The following GALNTL5 variants were observed in gnomAD, a reference collection of about 807,000 sequenced individuals.
The protein encoded by GALNTL5 is polypeptide N-acetylgalactosaminyltransferase like 5, also known as inactive polypeptide N-acetylgalactosaminyltransferase-like protein 5.
A neutral mutation model predicts 51.0 loss-of-function variants in GALNTL5; 44 were observed. The ratio of observed to expected loss-of-function variants is 0.86; its 90% CI spans 0.68 to 1.11. The LOEUF (loss-of-function observed/expected upper bound fraction) is 1.11, where lower values mean the gene tolerates loss of function less well. Among genes scored for constraint, GALNTL5 ranks in the 50% least tolerant of loss-of-function variants. The pLI is 0.00. For synonymous variants in GALNTL5, 192 were observed against 182.8 expected, an observed-to-expected ratio of 1.05 and a Z score of -0.41; for missense variants, 528 against 531.8, an observed-to-expected ratio of 0.99 and a Z score of 0.07.
chr7:151,981,568 TCC>T, intron 3 of GALNTL5, among the ~76,000 whole-genome samples: 1 of 27,822 alleles, frequency 3.6e-5, no homozygotes, highest in Non-Finnish European at 7.2e-5. Context: ...CTTCCTTCCT[TCC>T]TTCCTTCCTT....
intron 4 of GALNTL5, among the ~76,000 whole-genome samples, chr7:151,986,191 G>A (rs1240799237): frequency 6.6e-6 from 1 of 152,130 alleles, no homozygotes; most frequent in Non-Finnish European, 1.5e-5. Context: ...GACTCTCGTG[G>A]TTCGATAACT....
At chr7:152,007,171 A>C (rs1384480829) in intron 6 of GALNTL5, among the ~76,000 whole-genome samples, 1 of 152,208 alleles carries the variant, frequency 6.6e-6, no homozygotes, top group Non-Finnish European at 1.5e-5. Context: ...TAAATATTAC[A>C]ATTCACCTAA....
intron 5 of GALNTL5, among the ~76,000 whole-genome samples, chr7:151,993,156 C>T (rs1024785827): frequency 6.6e-6 from 1 of 151,842 alleles, no homozygotes; most frequent in African/African-American, 2.4e-5. Context: ...ATTGCTTGAA[C>T]CCAGGAGGTG....
intron 7 of GALNTL5, among the ~76,000 whole-genome samples, chr7:152,013,214 T>C (rs376385046): frequency 1.3e-5 from 2 of 151,748 alleles, no homozygotes; most frequent in African/African-American, 2.4e-5. Context: ...GGGAGGAGGG[T>C]GAGGATAAAA....
chr7:152,004,328 A>G (rs1045112016), intron 6 of GALNTL5, among the ~76,000 whole-genome samples: 11 of 150,254 alleles, frequency 7.3e-5, no homozygotes, highest in African/African-American at 2.4e-4. Context: ...TATATGTAAT[A>G]TATATTATAC....
intron 1 of GALNTL5, among the ~76,000 whole-genome samples, chr7:151,957,045 A>C (rs139084405): frequency 2.0e-5 from 3 of 151,818 alleles, no homozygotes; most frequent in Admixed American, 2.0e-4. Context: ...GGCAGCTGGC[A>C]TCTGTAATTC....
Position 152,019,924 on chromosome 7 carries a change from A to T in GALNTL5, c.*123A>T. Reference sequence around the variant, plus strand: ...CGTGAAATGCAATTAAAAAAATATGACCAGACGTGAGTGCCTTTATTTTCC... The same window carrying T: ...CGTGAAATGCAATTAAAAAAATATGTCCAGACGTGAGTGCCTTTATTTTCC... On this transcript the variant is annotated 3_prime_UTR_variant, in exon 9 of 9. Transcript: ENST00000392800. The T allele has an allele frequency of 1.3e-6, 1 of 780,164 alleles. No individual in the cohort carries two copies. The highest frequency in any genetic ancestry group is 2.0e-6 in the Non-Finnish European group (1 of 498,566). 48.3% of individuals were successfully genotyped at this position (780,164 alleles called of 1,614,324 possible). A position where few individuals can be genotyped will look rare whatever the true frequency, so the allele number is the denominator to read the frequency against.
Position 152,019,634 on chromosome 7 carries a change from A to G in GALNTL5, c.1177-12A>G. The G allele has an allele frequency of 6.2e-7, 1 of 1,606,698 alleles. No homozygotes were observed. The highest frequency in any genetic ancestry group is 1.1e-5 in the South Asian group (1 of 90,438). On this transcript the variant is annotated splice_polypyrimidine_tract_variant and intron_variant, in intron 8 of 8. Coordinates refer to ENST00000392800, the MANE Select transcript of GALNTL5 (RefSeq NM_145292.4). ...GGTTGAACGTAACGACTGACTCTAT[A>G]TTTTCATTTAGGAGCAGTTTTTTCT...
rs890686957 is a variant in GALNTL5 at position 152,012,669 on chromosome 7, A to G, written c.1027-1975A>G. 4.6e-5 allele frequency among the ~76,000 whole-genome samples: 7 copies of G among 152,218 alleles called. 1 individual carries two copies. Among genetic ancestry groups the G allele is most frequent in the Admixed American group, 2.6e-4 (4 of 15,280 alleles). Reference sequence around the variant, plus strand: ...AGACATGGAATCAACCCAGATGCCCATCAACAGCGGACTGGGGCCAGGCAT... The same window carrying G: ...AGACATGGAATCAACCCAGATGCCCGTCAACAGCGGACTGGGGCCAGGCAT... On this transcript the variant is annotated intron_variant, in intron 7 of 8. Coordinates refer to ENST00000392800, the MANE Select transcript of GALNTL5 (RefSeq NM_145292.4).
chr7:151,974,630 A>G (rs1228958919), intron 3 of GALNTL5, among the ~76,000 whole-genome samples: 1 of 152,202 alleles, frequency 6.6e-6, no homozygotes, highest in African/African-American at 2.4e-5. Context: ...ACTTAAATTT[A>G]CTCAAACCAT....
At chr7:151,981,411 A>G (rs916543476) in intron 3 of GALNTL5, among the ~76,000 whole-genome samples, 20 of 152,162 alleles carry the variant, frequency 1.3e-4, no homozygotes, top group Non-Finnish European at 2.6e-4. Context: ...TCCCAAATGT[A>G]AACACAAAAG....
chr7:151,972,394 T>C (rs767813138), intron 3 of GALNTL5, among the ~76,000 whole-genome samples: 2 of 152,206 alleles, frequency 1.3e-5, no homozygotes, highest in African/African-American at 2.4e-5. Context: ...AAACCCATTT[T>C]CTGGGGAGAA....
chr7:152,011,481 C>T (rs1332173169), intron 7 of GALNTL5, among the ~76,000 whole-genome samples: 1 of 152,250 alleles, frequency 6.6e-6, no homozygotes, highest in African/African-American at 2.4e-5. Flanking sequence ...ATCCTGCCAT[C>T]CCCAGATGCT....
intron 3 of GALNTL5, among the ~76,000 whole-genome samples, chr7:151,982,143 T>C (rs1220667557): frequency 6.6e-6 from 1 of 152,116 alleles, no homozygotes; most frequent in Non-Finnish European, 1.5e-5. Flanking sequence ...CCAGGGACAT[T>C]GGCTCATGCC....
At chr7:151,958,247 G>A (rs991754611) in intron 1 of GALNTL5, among the ~76,000 whole-genome samples, 2 of 152,158 alleles carry the variant, frequency 1.3e-5, no homozygotes, top group Non-Finnish European at 2.9e-5. Context: ...GGCTGCACTC[G>A]GCTGGCACTA....
intron 5 of GALNTL5, among the ~76,000 whole-genome samples, chr7:152,000,928 CAG>C (rs1185098479): frequency 1.9e-4 from 21 of 111,030 alleles, no homozygotes; most frequent in Admixed American, 1.7e-3. Context: ...TTTTTTTTGA[CAG>C]AGTCTTGCTC....
At chr7:152,003,150 C>G (rs548832837) in intron 6 of GALNTL5, among the ~76,000 whole-genome samples, 187 bp downstream of exon 6, 1 of 152,112 alleles carries the variant, frequency 6.6e-6, no homozygotes, top group Admixed American at 6.5e-5. Context: ...CAATATATAA[C>G]GTGATATGAT....
At chr7:152,019,609 G>A in intron 8 of GALNTL5, 37 bp from the exon 9 acceptor site, 1 of 1,578,570 alleles carries the variant, frequency 6.3e-7, no homozygotes, top group Non-Finnish European at 8.7e-7. Flanking sequence ...AGATTTGTTT[G>A]GTTGAACGTA....
At position 151,983,502 on chromosome 7, in the gene GALNTL5, C is replaced by A. The variant is rs755130010; in HGVS notation, c.535+350C>A. 2.5e-4 allele frequency among the ~76,000 whole-genome samples: 38 copies of A among 152,064 alleles called. 1 individual carries two copies. The highest frequency in any genetic ancestry group is 5.3e-4 in the Non-Finnish European group (36 of 68,014). On this transcript the variant is annotated intron_variant, in intron 4 of 8. Coordinates refer to ENST00000392800, the MANE Select transcript of GALNTL5 (RefSeq NM_145292.4). ...CATCTAATCTACTCTGAAGGTAGTG[C>A]GCTCCCCGATGGCACTTGAGTATTT...
Sources: allele counts gnomAD v4.1 joint callset (sites outside exome capture counted in the v4.1 genomes callset), GRCh38; gene constraint gnomAD v4.1.1; transcripts MANE v1.5; gene names NCBI Gene and HGNC (gene_info 2026-07-23, HGNC 2026-07-21).